USH2A: variants seen among roughly 807,000 people sequenced by gnomAD.
USH2A encodes usherin.
USH2A carries 443 observed loss-of-function variants against 538.9 expected under a neutral mutation model. The ratio of observed to expected loss-of-function variants is 0.82; its 90% CI spans 0.76 to 0.89. USH2A has a LOEUF of 0.89. Ranked by LOEUF, USH2A falls within the 40% of genes least tolerant of loss-of-function variation. The probability of loss-of-function intolerance (pLI) is 0.00; values close to 1 mark genes in which losing one functional copy is unlikely to be tolerated. For missense variants in USH2A, 6,633 were observed against 6,324.8 expected, an observed-to-expected ratio of 1.05 and a Z score of -1.65; for synonymous variants, 2,413 against 2,273.5, an observed-to-expected ratio of 1.06 and a Z score of -1.75.
At chr1:216,409,528 C>G (rs377493117) in intron 3 of USH2A, among the ~76,000 whole-genome samples, 1 of 152,042 alleles carries the variant, frequency 6.6e-6, no homozygotes, top group African/African-American at 2.4e-5. Context: ...GGTACAAAAA[C>G]AGACACATAG....
At chr1:215,910,469 A>G (rs1342726590) in intron 38 of USH2A, among the ~76,000 whole-genome samples, 1 of 152,014 alleles carries the variant, frequency 6.6e-6, no homozygotes, top group African/African-American at 2.4e-5. Context: ...TTAAGATGGT[A>G]TATATTTCAT....
Position 216,364,958 on chromosome 1 carries a change from A to C in USH2A, c.779T>G (p.Leu260Ter), listed in dbSNP as rs121912598. Residue 260 changes from leucine to a stop codon, truncating the protein, a stop_gained, in exon 4 of 72, where the codon TTA (leucine) becomes TGA (stop). Transcript: ENST00000307340. LOFTEE classifies it high-confidence loss of function. Reference sequence around the variant, plus strand: ...TTCTGAAGTCAGAAACTTACCATTTAAACTCTGTCCTATTTGCACAGTACC... The same window carrying C: ...TTCTGAAGTCAGAAACTTACCATTTCAACTCTGTCCTATTTGCACAGTACC... Reference protein sequence around the residue: ...ASGTVQIGQSLNGLEQFVGRM... With the variant: ...ASGTVQIGQS 4 of 1,613,466 alleles carry C rather than the reference A, an allele frequency of 2.5e-6. No homozygotes were observed. Among genetic ancestry groups the C allele is most frequent in the Non-Finnish European group, 3.4e-6 (4 of 1,179,592 alleles).
At position 216,325,375 on chromosome 1, in the gene USH2A, A is replaced by T; in HGVS notation, c.1073T>A (p.Val358Glu). The change falls in exon 6 of 72, where the codon GTG becomes GAG. Residue 358 changes from valine to glutamate, a missense_variant. Transcript: ENST00000307340. ...ATTAAGCTGTGTAATGTTTGTAAAC[A>T]CATTTGAAACCCATGAAGTACCAAC... ...NDVGTSWVSN[V>E]FTNITQLNQG... 1 of 1,613,936 alleles carries T rather than the reference A, an allele frequency of 6.2e-7. No individual in the cohort carries two copies. The highest frequency in any genetic ancestry group is 2.2e-5 in the East Asian group (1 of 44,840).
Position 215,810,239 on chromosome 1 carries a change from C to A in USH2A, c.9739+3497G>T, listed in dbSNP as rs1354906357. Reference sequence around the variant, plus strand: ...TACAGACAATACATATTTTTTAAATCCTTGGTCTAAAAATTAATTATTAAA... The same window carrying A: ...TACAGACAATACATATTTTTTAAATACTTGGTCTAAAAATTAATTATTAAA... On this transcript the variant is annotated intron_variant, in intron 49 of 71. Transcript: ENST00000307340. 3.9e-5 allele frequency among the ~76,000 whole-genome samples: 6 copies of A among 151,972 alleles called. No homozygotes were observed. In the East Asian group the frequency reaches 1.2e-3, roughly 29 times the overall value.
At chr1:216,252,745 C>T (rs1397276763) in intron 11 of USH2A, among the ~76,000 whole-genome samples, 2 of 152,180 alleles carry the variant, frequency 1.3e-5, no homozygotes, top group Non-Finnish European at 2.9e-5. Flanking sequence ...TTGTGCCTGG[C>T]TGTTTCTCAG....
intron 37 of USH2A, among the ~76,000 whole-genome samples, chr1:215,952,811 C>A (rs938191422): frequency 1.2e-4 from 19 of 152,282 alleles, no homozygotes; most frequent in Admixed American, 8.5e-4. Flanking sequence ...CTGCCCTTAA[C>A]ATTTTTTCCT....
At chr1:216,035,626 C>T (rs2029896914) in intron 32 of USH2A, among the ~76,000 whole-genome samples, 1 of 152,060 alleles carries the variant, frequency 6.6e-6, no homozygotes, top group Admixed American at 6.6e-5. Context: ...TATATATTTG[C>T]TATATATTGG....
chr1:216,118,686 C>G (rs2033063648), intron 21 of USH2A, among the ~76,000 whole-genome samples: 1 of 152,196 alleles, frequency 6.6e-6, no homozygotes, highest in Non-Finnish European at 1.5e-5. Context: ...AGTTAACATG[C>G]TTCTTGTTCA....
At chr1:216,355,383 GAAACATAT>G (rs1205890822) in intron 4 of USH2A, among the ~76,000 whole-genome samples, 7 of 148,422 alleles carry the variant, frequency 4.7e-5, no homozygotes, top group African/African-American at 1.7e-4. Flanking sequence ...AAGAAGGAAA[GAAACATAT>G]AGTATACAAG....
At chr1:216,222,649 T>G (rs2035478953) in intron 14 of USH2A, among the ~76,000 whole-genome samples, 1 of 152,122 alleles carries the variant, frequency 6.6e-6, no homozygotes, top group Non-Finnish European at 1.5e-5. Flanking sequence ...GAAACACTGC[T>G]CTGCTGGCTT....
intron 49 of USH2A, among the ~76,000 whole-genome samples, chr1:215,800,761 CAAA>C (rs1234971980): frequency 6.6e-6 from 1 of 151,850 alleles, no homozygotes; most frequent in Non-Finnish European, 1.5e-5. Context: ...ATTTATTGGC[CAAA>C]AATCCATCTC....
At chr1:216,063,466 A>G (rs970593659) in intron 30 of USH2A, among the ~76,000 whole-genome samples, 2 of 152,298 alleles carry the variant, frequency 1.3e-5, no homozygotes, top group South Asian at 4.1e-4. Context: ...ATTACCTTCT[A>G]CCTATGTCCT....
intron 61 of USH2A, among the ~76,000 whole-genome samples, chr1:215,712,079 T>G (rs1248619740): frequency 6.6e-6 from 1 of 152,130 alleles, no homozygotes; most frequent in African/African-American, 2.4e-5. Flanking sequence ...GTCTTCCTAG[T>G]CAGAAAGGAC....
intron 38 of USH2A, among the ~76,000 whole-genome samples, chr1:215,903,986 T>C (rs1427082537): frequency 6.6e-6 from 1 of 152,120 alleles, no homozygotes; most frequent in Admixed American, 6.6e-5. Context: ...ACAATCATAA[T>C]TTATTTGACA....
At position 216,024,080 on chromosome 1, in the gene USH2A, G is replaced by A. The variant is rs1192450143; in HGVS notation, c.6325+22351C>T. 3.3e-5 allele frequency among the ~76,000 whole-genome samples: 5 copies of A among 152,030 alleles called. No homozygotes were observed. The East Asian group carries it at 9.6e-4, about 29-fold the overall frequency. On this transcript the variant is annotated intron_variant, in intron 32 of 71. Coordinates refer to ENST00000307340, the MANE Select transcript of USH2A (RefSeq NM_206933.4). ...AATCATTTCCTTTTTCTTCTTTGATGCACTTGCTATTGTGGAAAGCTAAGA... is the reference window on the plus strand; with the variant it reads ...AATCATTTCCTTTTTCTTCTTTGATACACTTGCTATTGTGGAAAGCTAAGA...
At chr1:216,365,968 C>T (rs772264094) in intron 3 of USH2A, among the ~76,000 whole-genome samples, 7 of 152,254 alleles carry the variant, frequency 4.6e-5, no homozygotes, top group Admixed American at 2.0e-4. Context: ...CCCAGAATAG[C>T]CAATGCTATC....
At chr1:215,754,519 A>T (rs1320876306) in intron 58 of USH2A, among the ~76,000 whole-genome samples, 1 of 152,164 alleles carries the variant, frequency 6.6e-6, no homozygotes, top group Non-Finnish European at 1.5e-5. Flanking sequence ...CAAAAAAAAA[A>T]ATGCATATTT....
intron 4 of USH2A, among the ~76,000 whole-genome samples, chr1:216,341,205 A>G (rs1313289633): frequency 6.6e-6 from 1 of 152,116 alleles, no homozygotes; most frequent in East Asian, 1.9e-4. Flanking sequence ...CCAAAAATAG[A>G]CAAGCAGAGA....
intron 44 of USH2A, among the ~76,000 whole-genome samples, chr1:215,864,023 C>CT (rs1384556298): frequency 1.3e-5 from 2 of 152,140 alleles, no homozygotes. Context: ...TTTTACTGCT[C>CT]TTTTCTGGCC....
Sources: allele counts gnomAD v4.1 joint callset (sites outside exome capture counted in the v4.1 genomes callset), GRCh38; gene constraint gnomAD v4.1.1; transcripts MANE v1.5; gene names NCBI Gene and HGNC (gene_info 2026-07-23, HGNC 2026-07-21).